The following GRIK2 variants were observed in gnomAD, a reference collection of about 807,000 sequenced individuals.
GRIK2 encodes the protein glutamate receptor ionotropic, kainate 2.
Under a neutral mutation model 100.3 loss-of-function variants are expected in GRIK2, and 32 were observed. The observed-to-expected ratio is 0.32, with a 90% CI of 0.24 to 0.43. GRIK2 has a LOEUF of 0.43. Among genes scored for constraint, GRIK2 ranks in the 20% least tolerant of loss-of-function variants. The probability of loss-of-function intolerance (pLI) is 1.00; values close to 1 mark genes in which losing one functional copy is unlikely to be tolerated. For missense variants in GRIK2, 843 were observed against 1,114.9 expected, an observed-to-expected ratio of 0.76 and a Z score of 3.47; for synonymous variants, 417 against 389.4, an observed-to-expected ratio of 1.07 and a Z score of -0.83.
intron 7 of GRIK2, among the ~76,000 whole-genome samples, chr6:101,747,113 A>C (rs1035746814): frequency 6.6e-6 from 1 of 152,110 alleles, no homozygotes; most frequent in Non-Finnish European, 1.5e-5. Flanking sequence ...ATCCCCACCA[A>C]GTTTGGTATC....
chr6:101,774,232 C>T (rs1373735898), intron 7 of GRIK2, among the ~76,000 whole-genome samples: 1 of 152,050 alleles, frequency 6.6e-6, no homozygotes, highest in Non-Finnish European at 1.5e-5. Context: ...AGTCTGTTAA[C>T]ACCGTAAAAA....
chr6:102,003,580 T>G (rs1795057398), intron 14 of GRIK2, among the ~76,000 whole-genome samples: 1 of 151,866 alleles, frequency 6.6e-6, no homozygotes, highest in East Asian at 1.9e-4. Flanking sequence ...CATATTGAAA[T>G]TATTTTTTCT....
chr6:101,950,086 C>T (rs1214990757), intron 14 of GRIK2, among the ~76,000 whole-genome samples: 1 of 152,004 alleles, frequency 6.6e-6, no homozygotes, highest in African/African-American at 2.4e-5. Flanking sequence ...TTTTATTTCT[C>T]ATTTTAATCT....
intron 15 of GRIK2, among the ~76,000 whole-genome samples, chr6:102,047,721 C>T (rs1770969021): frequency 1.3e-5 from 2 of 151,756 alleles, no homozygotes; most frequent in South Asian, 4.2e-4. Flanking sequence ...TGCACCCCAG[C>T]CTGGGTGGCA....
intron 9 of GRIK2, among the ~76,000 whole-genome samples, chr6:101,814,469 A>G (rs1360679858): frequency 6.6e-6 from 1 of 152,122 alleles, no homozygotes; most frequent in Non-Finnish European, 1.5e-5. Context: ...TATCAATAAC[A>G]CCATCTACAG....
intron 2 of GRIK2, among the ~76,000 whole-genome samples, chr6:101,520,446 A>T (rs1774826170): frequency 6.6e-6 from 1 of 151,706 alleles, no homozygotes. Context: ...AGGACAGAGT[A>T]GCTATTAATA....
chr6:101,592,688 A>C (rs2128307244), intron 2 of GRIK2, among the ~76,000 whole-genome samples: 1 of 148,546 alleles, frequency 6.7e-6, no homozygotes, highest in South Asian at 2.1e-4. Flanking sequence ...TGGGCTTTGC[A>C]GAATTGTTCA....
chr6:101,504,679 AATAC>A (rs1476325416), intron 2 of GRIK2, among the ~76,000 whole-genome samples: 2 of 152,062 alleles, frequency 1.3e-5, no homozygotes, highest in East Asian at 3.8e-4. Context: ...TATTACATAA[AATAC>A]TCTGTTTATT....
Position 101,488,694 on chromosome 6 carries a change from G to T in GRIK2, c.115+89302G>T, listed in dbSNP as rs973542953. Among the ~76,000 whole-genome samples, 11 of 146,238 alleles carry T rather than the reference G, an allele frequency of 7.5e-5. 2 individuals are homozygous for T. The highest frequency in any genetic ancestry group is 1.7e-4 in the Non-Finnish European group (11 of 66,526). On this transcript the variant is annotated intron_variant, in intron 2 of 16. Transcript: ENST00000369134. ...TACAACAAATTGCTCAGCCCAAATT[G>T]TATCTAAATTATTTTATTTAGGTTC... is the stretch of plus-strand genomic sequence containing the variant.
chr6:101,579,549 A>C (rs1374779854), intron 2 of GRIK2, among the ~76,000 whole-genome samples: 2 of 147,196 alleles, frequency 1.4e-5, no homozygotes, highest in Non-Finnish European at 3.0e-5. Flanking sequence ...CTATCTTTCT[A>C]ACAGTTTAAA....
intron 9 of GRIK2, among the ~76,000 whole-genome samples, chr6:101,803,874 G>A (rs940056760): frequency 4.0e-5 from 6 of 151,840 alleles, no homozygotes; most frequent in Non-Finnish European, 8.8e-5. Flanking sequence ...AAGTACATAT[G>A]ATGATCTATC....
At chr6:101,836,600 C>A (rs548324608) in intron 10 of GRIK2, among the ~76,000 whole-genome samples, 234 of 122,460 alleles carry the variant, frequency 1.9e-3, no homozygotes, top group African/African-American at 6.8e-3. Flanking sequence ...CTTTTTGGGG[C>A]TTGTTGCTAT....
intron 16 of GRIK2, among the ~76,000 whole-genome samples, chr6:102,061,744 A>G (rs1262084173): frequency 6.6e-6 from 1 of 150,604 alleles, no homozygotes; most frequent in Admixed American, 6.6e-5. Flanking sequence ...AGAATTAATT[A>G]AGATAGTTAA....
At chr6:101,600,182 T>C (rs1457077092) in intron 2 of GRIK2, among the ~76,000 whole-genome samples, 7 of 151,936 alleles carry the variant, frequency 4.6e-5, no homozygotes, top group Non-Finnish European at 7.4e-5. Flanking sequence ...CTTATTTTTG[T>C]CAACTTTGTT....
chr6:101,654,619 C>T (rs1171960459), intron 4 of GRIK2, among the ~76,000 whole-genome samples: 4 of 152,100 alleles, frequency 2.6e-5, no homozygotes. Context: ...ATTTAGGATC[C>T]CATTTGGGAA....
chr6:101,529,403 A>ATT (rs1193905541), intron 2 of GRIK2, among the ~76,000 whole-genome samples: 1 of 151,968 alleles, frequency 6.6e-6, no homozygotes, highest in African/African-American at 2.4e-5. Context: ...AGAAATTGCT[A>ATT]TTTGATAGGT....
At chr6:102,058,146 A>G (rs540466252) in intron 16 of GRIK2, among the ~76,000 whole-genome samples, 1 of 151,994 alleles carries the variant, frequency 6.6e-6, no homozygotes, top group Non-Finnish European at 1.5e-5. Flanking sequence ...AAGTCTAGAT[A>G]TCTTCACGCT....
At chr6:102,004,946 A>G (rs563672374) in intron 14 of GRIK2, among the ~76,000 whole-genome samples, 1 of 151,608 alleles carries the variant, frequency 6.6e-6, no homozygotes, top group East Asian at 1.9e-4. Context: ...TTTAATATTA[A>G]TTTCTGGCAT....
chr6:101,429,462 T>TA (rs1420208096), intron 2 of GRIK2, among the ~76,000 whole-genome samples: 1 of 152,198 alleles, frequency 6.6e-6, no homozygotes, highest in Non-Finnish European at 1.5e-5. Context: ...GCATAAGGGC[T>TA]TCAGAGCTCT....
Sources: allele counts gnomAD v4.1 joint callset (sites outside exome capture counted in the v4.1 genomes callset), GRCh38; gene constraint gnomAD v4.1.1; transcripts MANE v1.5; gene names NCBI Gene and HGNC (gene_info 2026-07-23, HGNC 2026-07-21).